Variants in MYT1 observed in about 807,000 individuals in gnomAD.
MYT1 encodes myelin transcription factor 1.
In MYT1, 23 loss-of-function variants were observed where a neutral mutation model predicts 123.0. The observed-to-expected ratio is 0.19, with a 90% CI of 0.13 to 0.26. The LOEUF (loss-of-function observed/expected upper bound fraction) is 0.26. Among genes scored for constraint, MYT1 ranks in the 10% least tolerant of loss-of-function variants. MYT1 has a pLI of 1.00. For synonymous variants in MYT1, 518 were observed against 575.3 expected, an observed-to-expected ratio of 0.90 and a Z score of 1.43; for missense variants, 1,125 against 1,472.5, an observed-to-expected ratio of 0.76 and a Z score of 3.86.
intron 18 of MYT1, 79 bp downstream of exon 18, chr20:64,228,050 T>G (rs750066257): frequency 7.4e-7 from 1 of 1,358,578 alleles, no homozygotes; most frequent in South Asian, 1.3e-5. Flanking sequence ...AAAAAACTCC[T>G]ACTAGATTCC....
rs1568710729 is a variant in MYT1 at position 64,207,970 on chromosome 20, AGAGGAGGACGAG to A, written c.783_794del (p.Asp261_Glu264del). 11 of 1,605,928 alleles carry A rather than the reference AGAGGAGGACGAG, an allele frequency of 6.8e-6. No individual in the cohort carries two copies. The highest frequency in any genetic ancestry group is 9.3e-6 in the Non-Finnish European group (11 of 1,176,830). ...AGCAGAAAGGCATCCTGAGTCACGA[AGAGGAGGACGAG>A]GAGGAGGAGGAGGAGGAAGAGGAGG... On this transcript the variant is annotated inframe_deletion, in exon 7 of 23. Coordinates refer to ENST00000328439, the MANE Select transcript of MYT1 (RefSeq NM_004535.3).
intron 1 of MYT1, among the ~76,000 whole-genome samples, chr20:64,180,493 G>C (rs1376785917): frequency 6.6e-6 from 1 of 152,198 alleles, no homozygotes; most frequent in African/African-American, 2.4e-5. Flanking sequence ...CTGACCCCTT[G>C]CTGAGCCCCT....
At chr20:64,211,938 A>C in intron 8 of MYT1, 110 bp from the exon 9 acceptor site, 1 of 866,874 alleles carries the variant, frequency 1.2e-6, no homozygotes, top group East Asian at 2.5e-5. Context: ...ACCAAGCAGC[A>C]GCCTTTGGAC....
chr20:64,229,290 G>A (rs1361932172), intron 18 of MYT1, among the ~76,000 whole-genome samples: 1 of 152,228 alleles, frequency 6.6e-6, no homozygotes, highest in East Asian at 1.9e-4. Flanking sequence ...GATCATATAA[G>A]TGCAACACCT....
At chr20:64,183,752 A>G (rs1332755968) in intron 1 of MYT1, among the ~76,000 whole-genome samples, 1 of 152,148 alleles carries the variant, frequency 6.6e-6, no homozygotes, top group Non-Finnish European at 1.5e-5. Flanking sequence ...CAAGCTCTTT[A>G]TCAGATTTAC....
At position 64,196,362 on chromosome 20, in the gene MYT1, G is replaced by A. The variant is rs545986448; in HGVS notation, c.1-2500G>A. Among the ~76,000 whole-genome samples the A allele has an allele frequency of 5.9e-5, 9 of 152,364 alleles. No individual in the cohort carries two copies. Among genetic ancestry groups the A allele is most frequent in the African/African-American group, 1.7e-4 (7 of 41,578 alleles). ...GCACCCGCTCTCCATCTACCACATC[G>A]TGGTGCCGATCTTGCGGCAGGAGGA... On this transcript the variant is annotated intron_variant, in intron 2 of 22. Transcript: ENST00000328439. The surrounding 1 kb of genome is among the most constrained non-coding windows in gnomAD (Gnocchi z 4.3).
intron 20 of MYT1, among the ~76,000 whole-genome samples, 167 bp from the exon 21 acceptor site, chr20:64,237,120 G>A (rs532022145): frequency 5.3e-5 from 8 of 152,290 alleles, no homozygotes; most frequent in East Asian, 1.9e-4. Context: ...TTTCTCCAGC[G>A]CATAATGTGG....
chr20:64,201,906 G>A lies in MYT1; in HGVS notation c.86+1984G>A, dbSNP rs575882071. On this transcript the variant is annotated intron_variant, in intron 4 of 22. Transcript: ENST00000328439. Reference sequence around the variant, plus strand: ...CACCTGTCGGGAACCCCCGTGTGTCGGGAACCCCCGCGTGTCGGGAACCCC... The same window carrying A: ...CACCTGTCGGGAACCCCCGTGTGTCAGGAACCCCCGCGTGTCGGGAACCCC... Among the ~76,000 whole-genome samples the A allele has an allele frequency of 3.6e-4, 50 of 138,428 alleles. 2 individuals carry two copies. In the East Asian group the frequency reaches 9.6e-3, roughly 27 times the overall value. The allele number at this position is 138,428 out of a possible 152,430, so 90.8% of individuals were successfully genotyped here. A position where few individuals can be genotyped will look rare whatever the true frequency, so the allele number is the denominator to read the frequency against.
chr20:64,239,591 C>T (rs1984651932), intron 21 of MYT1, among the ~76,000 whole-genome samples, 169 bp from the exon 22 acceptor site: 1 of 152,132 alleles, frequency 6.6e-6, no homozygotes, highest in Non-Finnish European at 1.5e-5. Flanking sequence ...TCTCCTCTGC[C>T]AGCCCCTCAC....
Position 64,219,850 on chromosome 20 carries a change from C to A in MYT1, c.2109C>A (p.Arg703=), listed in dbSNP as rs1415131361. Residue 703 remains arginine, a synonymous_variant, in exon 13 of 23, where the codon CGC becomes CGA. Coordinates refer to ENST00000328439, the MANE Select transcript of MYT1 (RefSeq NM_004535.3). ...TGAAGTCTCCCGACGCCTCCCAGCGCCACAGCAGCACCAGCGCCCCCAGCA... is the reference window on the plus strand; with the variant it reads ...TGAAGTCTCCCGACGCCTCCCAGCGACACAGCAGCACCAGCGCCCCCAGCA... ...PGVKSPDASQ[R]HSSTSAPSSS... The A allele has an allele frequency of 6.2e-7, 1 of 1,608,416 alleles. No homozygotes were observed. Among genetic ancestry groups the A allele is most frequent in the African/African-American group, 1.3e-5 (1 of 74,994 alleles).
At chr20:64,209,042 C>A (rs1309783119) in intron 7 of MYT1, among the ~76,000 whole-genome samples, 2 of 152,114 alleles carry the variant, frequency 1.3e-5, no homozygotes, top group South Asian at 4.1e-4. Context: ...CCCCTGATCG[C>A]ACGGAGTGGC....
At position 64,240,500 on chromosome 20, in the gene MYT1, G is replaced by A. The variant is rs564026574; in HGVS notation, c.*52G>A. On this transcript the variant is annotated 3_prime_UTR_variant, in exon 23 of 23. Transcript: ENST00000328439. ...GCCCACCACACCGTTTACCTCCCTC[G>A]CCCTGCCCCGCACCGTGGGGATGCC... The A allele has an allele frequency of 1.3e-4, 199 of 1,579,524 alleles. No individual in the cohort carries two copies. The highest frequency in any genetic ancestry group is 2.2e-4 in the South Asian group (19 of 85,774).
chr20:64,184,195 G>A (rs568655501), intron 1 of MYT1, among the ~76,000 whole-genome samples: 1 of 152,220 alleles, frequency 6.6e-6, no homozygotes, highest in South Asian at 2.1e-4. Flanking sequence ...TTAATGGCTT[G>A]TAGTGTTGTT....
chr20:64,230,149 G>A (rs187621905), intron 18 of MYT1, among the ~76,000 whole-genome samples: 23 of 152,296 alleles, frequency 1.5e-4, no homozygotes, highest in Admixed American at 8.5e-4. Flanking sequence ...CCATGTATGC[G>A]ATTCAAGGGA....
chr20:64,183,684 A>T (rs186062495), intron 1 of MYT1, among the ~76,000 whole-genome samples: 2 of 152,304 alleles, frequency 1.3e-5, no homozygotes, highest in East Asian at 3.9e-4. Context: ...TCCTCTGCTC[A>T]TTCTAAAATT....
At chr20:64,188,597 G>A (rs1189751377) in intron 1 of MYT1, among the ~76,000 whole-genome samples, 1 of 152,142 alleles carries the variant, frequency 6.6e-6, no homozygotes, top group African/African-American at 2.4e-5. Flanking sequence ...GATTCTTGTC[G>A]ATTCACTTAC....
At chr20:64,239,939 C>A in intron 22 of MYT1, 36 bp downstream of exon 22, 1 of 1,604,988 alleles carries the variant, frequency 6.2e-7, no homozygotes, top group Non-Finnish European at 8.5e-7. Context: ...ACCACAGCTA[C>A]CCCCCAGGGT....
intron 1 of MYT1, among the ~76,000 whole-genome samples, chr20:64,188,443 G>A (rs907725091): frequency 3.9e-5 from 6 of 152,134 alleles, no homozygotes; most frequent in African/African-American, 1.4e-4. Flanking sequence ...GCAGCATCTT[G>A]TCTCCTGGGA....
At chr20:64,221,841 C>T in intron 13 of MYT1, 52 bp from the exon 14 acceptor site, 1 of 1,597,566 alleles carries the variant, frequency 6.3e-7, no homozygotes, top group South Asian at 1.1e-5. Context: ...GGGTTGGGCG[C>T]CCAGGCCTCC....
Sources: gnomAD v4.1 joint callset for allele counts (sites outside exome capture counted in the v4.1 genomes callset) on GRCh38, gnomAD v4.1.1 for gene constraint, Gnocchi (gnomAD v3.1) non-coding constraint, MANE v1.5 for transcripts, NCBI Gene and HGNC (gene_info 2026-07-23, HGNC 2026-07-21) for gene names.